ARID3B: variants seen among roughly 807,000 people sequenced by gnomAD.
ARID3B encodes AT-rich interaction domain 3B.
Under a neutral mutation model 51.9 loss-of-function variants are expected in ARID3B, and 10 were observed. That is an observed-to-expected ratio of 0.19 (90% CI 0.12 to 0.33). The LOEUF (loss-of-function observed/expected upper bound fraction) is 0.33. ARID3B is among the 10% of genes least tolerant of loss of function. ARID3B has a pLI of 1.00. For synonymous variants in ARID3B, 205 were observed against 279.5 expected (o/e 0.73, Z 2.66); for missense variants, 483 against 716.3 (o/e 0.67, Z 3.72).
rs71137394 is a variant in ARID3B at position 74,560,031 on chromosome 15, T to TAAAA, written c.553-12824_553-12821dup. Among the ~76,000 whole-genome samples, 230 of 35,630 alleles carry TAAAA rather than the reference T, an allele frequency of 6.5e-3. 47 individuals carry two copies. Among genetic ancestry groups the TAAAA allele is most frequent in the Admixed American group, 0.017 (28 of 1,652 alleles). 23.4% of individuals were successfully genotyped at this position (35,630 alleles called of 152,430 possible). ...CAACATGGCGAAACCCTGTCTCTAC[T>TAAAA]AAAAAAAAAACCACACACACAAAAA... On this transcript the variant is annotated intron_variant, in intron 2 of 8. Coordinates refer to ENST00000346246, the MANE Select transcript of ARID3B (RefSeq NM_006465.4).
intron 2 of ARID3B, among the ~76,000 whole-genome samples, chr15:74,560,811 G>A (rs2061676916): frequency 6.6e-6 from 1 of 152,172 alleles, no homozygotes; most frequent in African/African-American, 2.4e-5. Context: ...CCTGGTATAT[G>A]TATTTCTGTG....
At chr15:74,568,378 A>T (rs1004426028) in intron 2 of ARID3B, among the ~76,000 whole-genome samples, 2 of 152,194 alleles carry the variant, frequency 1.3e-5, no homozygotes, top group Non-Finnish European at 2.9e-5. Context: ...TCAAACTACA[A>T]GTCAGTATGG....
At chr15:74,580,273 T>C (rs1438916954) in intron 4 of ARID3B, among the ~76,000 whole-genome samples, 4 of 152,202 alleles carry the variant, frequency 2.6e-5, no homozygotes, top group African/African-American at 9.6e-5. Context: ...TAACTCCCTG[T>C]GGGTGGTTTC....
chr15:74,554,391 C>G lies in ARID3B; in HGVS notation c.552+9903C>G, dbSNP rs1247094407. On this transcript the variant is annotated intron_variant, in intron 2 of 8. Coordinates refer to ENST00000346246, the MANE Select transcript of ARID3B (RefSeq NM_006465.4). ...GATTTCTGCTCACTGTAACCTCTGC[C>G]TCCCGGGCTCAAGCAGCCCTCCCGC... Among the ~76,000 whole-genome samples the G allele has an allele frequency of 2.0e-5, 3 of 152,096 alleles. No homozygotes were observed. The South Asian group carries it at 6.2e-4, about 32-fold the overall frequency.
At chr15:74,549,550 AGAGT>A (rs1486813195) in intron 2 of ARID3B, among the ~76,000 whole-genome samples, 1 of 151,528 alleles carries the variant, frequency 6.6e-6, no homozygotes, top group Non-Finnish European at 1.5e-5. Flanking sequence ...TTTGGATGAC[AGAGT>A]GAGATGGTGT....
Position 74,596,044 on chromosome 15 carries a change from C to T in ARID3B, c.*270C>T. ...GGGGTCTGTGGGTGTCCAGCTTCCT[C>T]CAGGGTTCCCCAGCCACCTCCCAGC... On this transcript the variant is annotated 3_prime_UTR_variant, in exon 9 of 9. Transcript: ENST00000346246. The T allele has an allele frequency of 2.3e-6, 1 of 436,948 alleles. No individual in the cohort carries two copies. Among genetic ancestry groups the T allele is most frequent in the Non-Finnish European group, 4.1e-6 (1 of 246,810 alleles). 27.1% of individuals were successfully genotyped at this position (436,948 alleles called of 1,614,324 possible).
intron 2 of ARID3B, among the ~76,000 whole-genome samples, chr15:74,548,939 G>A (rs112019678): frequency 2.6e-5 from 4 of 152,020 alleles, no homozygotes; most frequent in South Asian, 2.1e-4. Context: ...TCATCTTACC[G>A]TGAGAGTCGA....
intron 4 of ARID3B, among the ~76,000 whole-genome samples, chr15:74,580,583 C>G (rs1287568240): frequency 1.3e-5 from 2 of 152,210 alleles, no homozygotes; most frequent in Non-Finnish European, 2.9e-5. Context: ...TCAGCTCCAG[C>G]TCTGTAGAGT....
intron 2 of ARID3B, among the ~76,000 whole-genome samples, chr15:74,556,479 C>T (rs2061658153): frequency 6.6e-6 from 1 of 152,164 alleles, no homozygotes; most frequent in South Asian, 2.1e-4. Context: ...CAGTATGTGA[C>T]AGAGACACAA....
At position 74,596,341 on chromosome 15, in the gene ARID3B, A is replaced by T. The variant is rs2141484724; in HGVS notation, c.*567A>T. Reference sequence around the variant, plus strand: ...ACGGGTCCCTCAAACACAAGTCTTGAATCAGTCCTCAGGGCCCCAGATCCC... The same window carrying T: ...ACGGGTCCCTCAAACACAAGTCTTGTATCAGTCCTCAGGGCCCCAGATCCC... On this transcript the variant is annotated 3_prime_UTR_variant, in exon 9 of 9. Coordinates refer to ENST00000346246, the MANE Select transcript of ARID3B (RefSeq NM_006465.4). 4.3e-6 allele frequency: 1 copy of T among 233,660 alleles called. No individual in the cohort carries two copies. The highest frequency in any genetic ancestry group is 6.0e-5 in the East Asian group (1 of 16,554). 14.5% of individuals were successfully genotyped at this position (233,660 alleles called of 1,614,324 possible).
chr15:74,560,276 ATTAC>A (rs889484753), intron 2 of ARID3B, among the ~76,000 whole-genome samples: 1 of 151,954 alleles, frequency 6.6e-6, no homozygotes, highest in African/African-American at 2.4e-5. Context: ...AATTTAAAGT[ATTAC>A]TTTAAAATAT....
intron 2 of ARID3B, among the ~76,000 whole-genome samples, chr15:74,547,635 G>A (rs1567115152): frequency 6.6e-6 from 1 of 152,222 alleles, no homozygotes; most frequent in Admixed American, 6.5e-5. Context: ...GGCAGTGTGG[G>A]AACCTCAAGG....
chr15:74,594,175 G>A (rs907666342), intron 8 of ARID3B, among the ~76,000 whole-genome samples: 8 of 152,298 alleles, frequency 5.3e-5, no homozygotes, highest in African/African-American at 1.4e-4. Flanking sequence ...ATTGCTGGGC[G>A]CGGTGGCTCA....
chr15:74,547,105 T>G (rs1322115880), intron 2 of ARID3B, among the ~76,000 whole-genome samples: 1 of 152,140 alleles, frequency 6.6e-6, no homozygotes, highest in Non-Finnish European at 1.5e-5. Flanking sequence ...GAATATCCCT[T>G]GCTCCAGCAA....
Position 74,590,012 on chromosome 15 carries a change from C to A in ARID3B, c.881+9C>A. 1 of 1,600,962 alleles carries A rather than the reference C, an allele frequency of 6.2e-7. No homozygotes were observed. Among genetic ancestry groups the A allele is most frequent in the Non-Finnish European group, 8.5e-7 (1 of 1,171,894 alleles). ...TTCACCCTCAGGACGCAGTGAGTGG[C>A]CAGGGCCTGGGAGAAGGAAGCTGAG... On this transcript the variant is annotated intron_variant, in intron 5 of 8. Coordinates refer to ENST00000346246, the MANE Select transcript of ARID3B (RefSeq NM_006465.4).
chr15:74,554,679 C>T (rs1014739616), intron 2 of ARID3B, among the ~76,000 whole-genome samples: 6 of 152,028 alleles, frequency 3.9e-5, no homozygotes, highest in East Asian at 1.9e-4. Flanking sequence ...TTGATTTGAT[C>T]GAGTTTTATT....
In ARID3B at chr15:74,596,488, C is replaced by T; in HGVS notation, c.*714C>T. The T allele has an allele frequency of 4.3e-6, 1 of 233,646 alleles. No individual in the cohort carries two copies. Among genetic ancestry groups the T allele is most frequent in the East Asian group, 6.0e-5 (1 of 16,582 alleles). The allele number at this position is 233,646 out of a possible 1,614,324, so 14.5% of individuals were successfully genotyped here. A position where few individuals can be genotyped will look rare whatever the true frequency, so the allele number is the denominator to read the frequency against. On this transcript the variant is annotated 3_prime_UTR_variant, in exon 9 of 9. Coordinates refer to ENST00000346246, the MANE Select transcript of ARID3B (RefSeq NM_006465.4). The stretch of plus-strand genomic sequence containing the variant: ...AGCCCTGGCACCTGCTTCACACGGA[C>T]CATTCTCTGACCGCCCCCGCCAAAC...
At position 74,596,709 on chromosome 15, in the gene ARID3B, C is replaced by T. The variant is rs1037022049; in HGVS notation, c.*935C>T. ...TGCCGATGTCAGGTTCATTGAAATA[C>T]CTCAGATTTGTAATTGTTGATGTTT... On this transcript the variant is annotated 3_prime_UTR_variant, in exon 9 of 9. Transcript: ENST00000346246. The T allele has an allele frequency of 4.3e-6, 1 of 233,572 alleles. No individual in the cohort carries two copies. The highest frequency in any genetic ancestry group is 8.5e-6 in the Non-Finnish European group (1 of 118,028). 14.5% of individuals were successfully genotyped at this position (233,572 alleles called of 1,614,324 possible).
chr15:74,544,805 C>T (rs925562308), intron 2 of ARID3B, among the ~76,000 whole-genome samples: 14 of 151,838 alleles, frequency 9.2e-5, no homozygotes, highest in African/African-American at 3.4e-4. Flanking sequence ...ATTCTCCTGC[C>T]TCAGTCTCCT....
Sources: allele counts gnomAD v4.1 joint callset (sites outside exome capture counted in the v4.1 genomes callset), GRCh38; gene constraint gnomAD v4.1.1; transcripts MANE v1.5; gene names NCBI Gene and HGNC (gene_info 2026-07-23, HGNC 2026-07-21).